The following JMJD1C variants were observed in gnomAD, a reference collection of about 807,000 sequenced individuals.
The protein encoded by JMJD1C is jumonji domain containing 1C.
A neutral mutation model predicts 245.3 loss-of-function variants in JMJD1C; 31 were observed. That is an observed-to-expected ratio of 0.13 (90% CI 0.09 to 0.17). The LOEUF is 0.17. Among genes scored for constraint, JMJD1C ranks in the 10% least tolerant of loss-of-function variants. The pLI, the probability that JMJD1C is intolerant of heterozygous loss-of-function variation, is 1.00. For missense variants in JMJD1C, 2,691 were observed against 3,000.2 expected, an observed-to-expected ratio of 0.90 and a Z score of 2.41; for synonymous variants, 1,057 against 1,017.4, an observed-to-expected ratio of 1.04 and a Z score of -0.74.
At chr10:63,359,299 T>G (rs1362331749) in intron 2 of JMJD1C, among the ~76,000 whole-genome samples, 2 of 152,258 alleles carry the variant, frequency 1.3e-5, no homozygotes, top group African/African-American at 2.4e-5. Context: ...TAAGCTGTTG[T>G]GCACATTTAT....
chr10:63,281,409 T>C (rs1857374355), intron 2 of JMJD1C, among the ~76,000 whole-genome samples: 1 of 146,558 alleles, frequency 6.8e-6, no homozygotes, highest in Non-Finnish European at 1.5e-5. Context: ...TCTGCCCGTC[T>C]CGGCCTCCCA....
At chr10:63,379,883 A>G (rs934089731) in intron 2 of JMJD1C, among the ~76,000 whole-genome samples, 4 of 152,232 alleles carry the variant, frequency 2.6e-5, no homozygotes, top group African/African-American at 9.6e-5. Flanking sequence ...ATTAATTTAT[A>G]AATCAGTAAG....
chr10:63,361,832 A>C lies in JMJD1C; in HGVS notation c.333+18486T>G, dbSNP rs1264597464. Among the ~76,000 whole-genome samples the C allele has an allele frequency of 2.0e-5, 3 of 152,120 alleles. No homozygotes were observed. In the East Asian group the frequency reaches 5.8e-4, roughly 29 times the overall value. On this transcript the variant is annotated intron_variant, in intron 2 of 25. Coordinates refer to ENST00000399262, the MANE Select transcript of JMJD1C (RefSeq NM_032776.3). ...AAAATTATAGAGCAGAAAAAATTTA[A>C]ATCTACTTTTAAATGTACTTAATTT...
intron 1 of JMJD1C, among the ~76,000 whole-genome samples, chr10:63,476,990 T>G (rs1322221692): frequency 6.6e-6 from 1 of 151,994 alleles, no homozygotes; most frequent in Non-Finnish European, 1.5e-5. Flanking sequence ...ATAAAAAACT[T>G]TATACAAAAA....
At chr10:63,373,759 T>C (rs1030578661) in intron 2 of JMJD1C, among the ~76,000 whole-genome samples, 7 of 152,336 alleles carry the variant, frequency 4.6e-5, no homozygotes, top group East Asian at 1.9e-4. Flanking sequence ...TCTGTAGATA[T>C]AGTATTTCAT....
chr10:63,420,328 T>C (rs1437107330), intron 1 of JMJD1C, among the ~76,000 whole-genome samples: 1 of 151,864 alleles, frequency 6.6e-6, no homozygotes, highest in Non-Finnish European at 1.5e-5. Context: ...GTACCACATA[T>C]GAAAATTTGT....
chr10:63,336,841 C>G (rs1379871303), intron 2 of JMJD1C, among the ~76,000 whole-genome samples: 1 of 151,968 alleles, frequency 6.6e-6, no homozygotes, highest in Non-Finnish European at 1.5e-5. Flanking sequence ...AACTCTAGCC[C>G]TCTTTTTTTG....
chr10:63,513,081 T>C (rs1450014099), intron 1 of JMJD1C, among the ~76,000 whole-genome samples: 2 of 152,338 alleles, frequency 1.3e-5, no homozygotes, highest in Middle Eastern at 3.4e-3. Context: ...TTGCATATTG[T>C]CTACTTTTTC....
In JMJD1C at chr10:63,319,402, T is replaced by C. The variant is rs575496536; in HGVS notation, c.334-54638A>G. 5.9e-5 allele frequency among the ~76,000 whole-genome samples: 9 copies of C among 152,156 alleles called. No homozygotes were observed. In the South Asian group the frequency reaches 1.9e-3, roughly 32 times the overall value. ...ATCTCTGCAAGTCTTTAGCATTTTCTTTATCTCTGGCAGTCTTATATTTTA... is the reference window on the plus strand; with the variant it reads ...ATCTCTGCAAGTCTTTAGCATTTTCCTTATCTCTGGCAGTCTTATATTTTA... On this transcript the variant is annotated intron_variant, in intron 2 of 25. Transcript: ENST00000399262.
At chr10:63,497,777 A>G (rs1305469513) in intron 1 of JMJD1C, among the ~76,000 whole-genome samples, 1 of 152,212 alleles carries the variant, frequency 6.6e-6, no homozygotes. Flanking sequence ...AACTGGGAGT[A>G]ACGACCTCCC....
At chr10:63,293,722 C>T (rs1859042222) in intron 2 of JMJD1C, among the ~76,000 whole-genome samples, 1 of 152,114 alleles carries the variant, frequency 6.6e-6, no homozygotes, top group South Asian at 2.1e-4. Context: ...TAATGATAAC[C>T]TATAAGAGGC....
chr10:63,249,531 G>A (rs947642368), intron 3 of JMJD1C, among the ~76,000 whole-genome samples: 3 of 152,138 alleles, frequency 2.0e-5, no homozygotes, highest in African/African-American at 7.2e-5. Flanking sequence ...TTTCCAAATA[G>A]GTGGAAGAGA....
Position 63,206,687 on chromosome 10 carries a change from T to C in JMJD1C, c.4982A>G (p.Lys1661Arg). ...KKKQNDLQKRKGEIEEDLKPN... is the reference protein window; with the variant it reads ...KKKQNDLQKRRGEIEEDLKPN... ...TTTCAAATCTTCTTCTATTTCACCT[T>C]TTCTCTTTTGCAAATCATTTTGCTT... The change falls in exon 10 of 26, where the codon AAA becomes AGA. Residue 1661 changes from lysine (K) to arginine (R), a missense_variant. Around this residue, in one of 9 missense-constraint regions of JMJD1C, gnomAD observed 144 missense variants for 143.3 expected, o/e 1.00. Coordinates refer to ENST00000399262, the MANE Select transcript of JMJD1C (RefSeq NM_032776.3). The C allele has an allele frequency of 1.2e-6, 2 of 1,613,842 alleles. No individual in the cohort carries two copies. The highest frequency in any genetic ancestry group is 1.7e-6 in the Non-Finnish European group (2 of 1,179,902).
chr10:63,228,900 T>C lies in JMJD1C; in HGVS notation c.448-8917A>G, dbSNP rs182979427. Among the ~76,000 whole-genome samples, 3 of 152,312 alleles carry C rather than the reference T, an allele frequency of 2.0e-5. No homozygotes were observed. The East Asian group carries it at 5.8e-4, about 29-fold the overall frequency. Reference sequence around the variant, plus strand: ...AGCCTTCCAAATATAACAATATACTTGATTTTAATGTACATAATTTAGGAA... The same window carrying C: ...AGCCTTCCAAATATAACAATATACTCGATTTTAATGTACATAATTTAGGAA... On this transcript the variant is annotated intron_variant, in intron 3 of 25. Coordinates refer to ENST00000399262, the MANE Select transcript of JMJD1C (RefSeq NM_032776.3).
At chr10:63,204,709 CCT>C in intron 10 of JMJD1C, 1 of 985,352 alleles carries the variant, frequency 1.0e-6, no homozygotes, top group South Asian at 4.7e-5. Context: ...TGTTAATCCC[CCT>C]CTCTGTCTTC....
chr10:63,512,458 A>C (rs1031634385), intron 1 of JMJD1C, among the ~76,000 whole-genome samples: 1 of 152,162 alleles, frequency 6.6e-6, no homozygotes, highest in Admixed American at 6.5e-5. Context: ...GTAACACAAC[A>C]TGGCAGGATA....
At position 63,284,857 on chromosome 10, in the gene JMJD1C, TCACACACACACACACACA is replaced by T. The variant is rs57860875; in HGVS notation, c.334-20111_334-20094del. On this transcript the variant is annotated intron_variant, in intron 2 of 25. Coordinates refer to ENST00000399262, the MANE Select transcript of JMJD1C (RefSeq NM_032776.3). ...GATGCCATTCCCTGGCAGGGAAGAT[TCACACACACACACACACA>T]CACACACACACACACACACACACAC... Among the ~76,000 whole-genome samples, 512 of 135,478 alleles carry T rather than the reference TCACACACACACACACACA, an allele frequency of 3.8e-3. 8 individuals carry two copies. In the East Asian group the frequency reaches 0.051, roughly 14 times the overall value. 88.9% of individuals were successfully genotyped at this position (135,478 alleles called of 152,430 possible).
At chr10:63,174,790 C>T (rs1425324050) in intron 24 of JMJD1C, among the ~76,000 whole-genome samples, 3 of 151,610 alleles carry the variant, frequency 2.0e-5, no homozygotes, top group Admixed American at 1.3e-4. Flanking sequence ...GCCAAGATCG[C>T]GCCACTGAGC....
Position 63,273,538 on chromosome 10 carries a change from T to C in JMJD1C, c.334-8774A>G, listed in dbSNP as rs141669252. 6.7e-4 allele frequency among the ~76,000 whole-genome samples: 102 copies of C among 152,338 alleles called. 1 individual carries two copies. The highest frequency in any genetic ancestry group is 2.3e-3 in the African/African-American group (96 of 41,578). On this transcript the variant is annotated intron_variant, in intron 2 of 25. Transcript: ENST00000399262. ...CCTGTTCTTATAACTCATTAGAGAA[T>C]GGTAGATCCCACCTTTCACACAATT...
Sources: allele counts gnomAD v4.1 joint callset (sites outside exome capture counted in the v4.1 genomes callset), GRCh38; gene constraint gnomAD v4.1.1; regional missense constraint gnomAD v4.1.1; transcripts MANE v1.5; gene names NCBI Gene and HGNC (gene_info 2026-07-23, HGNC 2026-07-21).